ATP8A2: variants seen among roughly 807,000 people sequenced by gnomAD.
ATP8A2 encodes the protein phospholipid-transporting ATPase IB.
ATP8A2 carries 100 observed loss-of-function variants against 165.6 expected under a neutral mutation model. The observed-to-expected ratio is 0.60, with a 90% confidence interval of 0.51 to 0.71. The LOEUF is 0.71. Among genes scored for constraint, ATP8A2 ranks in the 30% least tolerant of loss-of-function variants. The pLI is 0.00. For synonymous variants in ATP8A2, 543 were observed against 548.8 expected, an observed-to-expected ratio of 0.99 and a Z score of 0.15; for missense variants, 1,227 against 1,479.5, an observed-to-expected ratio of 0.83 and a Z score of 2.80.
At chr13:25,845,603 A>C (rs1951843347) in intron 30 of ATP8A2, among the ~76,000 whole-genome samples, 1 of 152,162 alleles carries the variant, frequency 6.6e-6, no homozygotes, top group East Asian at 1.9e-4. Flanking sequence ...ATTTTTAATA[A>C]ATTTGCTCCT....
intron 1 of ATP8A2, among the ~76,000 whole-genome samples, chr13:25,383,007 G>A (rs1448610257): frequency 3.4e-5 from 5 of 148,636 alleles, no homozygotes; most frequent in African/African-American, 7.5e-5. Context: ...TGCCCACCTT[G>A]GCCTCCCAAA....
At chr13:25,944,271 C>T (rs1245653083) in intron 33 of ATP8A2, among the ~76,000 whole-genome samples, 1 of 152,184 alleles carries the variant, frequency 6.6e-6, no homozygotes, top group African/African-American at 2.4e-5. Flanking sequence ...CTTTGGGAGG[C>T]TGAGGTGGGC....
chr13:25,513,201 C>T (rs184824162), intron 2 of ATP8A2, among the ~76,000 whole-genome samples: 1,905 of 150,432 alleles, frequency 0.013, 40 homozygotes, highest in African/African-American at 0.044. Flanking sequence ...ACTTCTCAGA[C>T]GGTGCGGTTG....
At chr13:25,500,647 G>A (rs2036826114) in intron 2 of ATP8A2, among the ~76,000 whole-genome samples, 1 of 152,054 alleles carries the variant, frequency 6.6e-6, no homozygotes, top group African/African-American at 2.4e-5. Context: ...GTGCAGTGGT[G>A]CGATCTTGGC....
chr13:25,990,520 G>C (rs905118656), intron 35 of ATP8A2, among the ~76,000 whole-genome samples: 2 of 152,168 alleles, frequency 1.3e-5, no homozygotes, highest in Non-Finnish European at 2.9e-5. Context: ...AAGGCCCTGA[G>C]GTGGGAAACC....
chr13:25,994,106 G>A (rs994324359), intron 35 of ATP8A2, among the ~76,000 whole-genome samples: 9 of 151,968 alleles, frequency 5.9e-5, no homozygotes, highest in African/African-American at 2.2e-4. Context: ...ATCCCAAATT[G>A]CATTGTATTT....
intron 18 of ATP8A2, among the ~76,000 whole-genome samples, chr13:25,571,983 A>G (rs1289830118): frequency 6.6e-6 from 1 of 152,248 alleles, no homozygotes; most frequent in Non-Finnish European, 1.5e-5. Flanking sequence ...TAATTGGGAA[A>G]ATAACTTAGC....
chr13:25,660,487 C>G (rs1308771785), intron 24 of ATP8A2, among the ~76,000 whole-genome samples: 1 of 152,088 alleles, frequency 6.6e-6, no homozygotes, highest in Non-Finnish European at 1.5e-5. Context: ...AATATCAAAT[C>G]ACACTCTCAA....
rs556669893 is a variant in ATP8A2 at position 25,950,094 on chromosome 13, C to T, written c.3184-11481C>T. 1.3e-3 allele frequency among the ~76,000 whole-genome samples: 191 copies of T among 152,288 alleles called. 1 individual carries two copies. The highest frequency in any genetic ancestry group is 4.2e-3 in the African/African-American group (176 of 41,558). ...GGATTACAGGTGTGAGCCACCGCTC[C>T]CAGCCCAGACTGCTTATTTTTAAAC... On this transcript the variant is annotated intron_variant, in intron 33 of 36. Coordinates refer to ENST00000381655, the MANE Select transcript of ATP8A2 (RefSeq NM_016529.6).
chr13:25,540,984 C>T (rs1418270558), intron 8 of ATP8A2, among the ~76,000 whole-genome samples: 2 of 151,748 alleles, frequency 1.3e-5, no homozygotes, highest in Non-Finnish European at 2.9e-5. Context: ...ACCTTAGCCT[C>T]CCGAGTAGCT....
At chr13:25,754,584 G>A (rs2044221416) in intron 25 of ATP8A2, among the ~76,000 whole-genome samples, 1 of 152,124 alleles carries the variant, frequency 6.6e-6, no homozygotes, top group Non-Finnish European at 1.5e-5. Flanking sequence ...ATAGCCCCAT[G>A]TAACTAAGGG....
chr13:25,911,447 C>G (rs543115296), intron 33 of ATP8A2, among the ~76,000 whole-genome samples: 1 of 152,092 alleles, frequency 6.6e-6, no homozygotes. Context: ...TGTGATGTAC[C>G]AAGGCAGCCC....
At chr13:25,522,998 G>T (rs565163661) in intron 2 of ATP8A2, among the ~76,000 whole-genome samples, 1 of 151,996 alleles carries the variant, frequency 6.6e-6, no homozygotes, top group South Asian at 2.1e-4. Context: ...AGTGGCACAT[G>T]CCTGTAATCC....
intron 28 of ATP8A2, among the ~76,000 whole-genome samples, chr13:25,835,533 C>T (rs1951582594): frequency 6.6e-6 from 1 of 152,176 alleles, no homozygotes; most frequent in South Asian, 2.1e-4. Flanking sequence ...TTCCCACAGG[C>T]CTGAGAGCTT....
At chr13:25,635,278 T>C (rs553672909) in intron 24 of ATP8A2, among the ~76,000 whole-genome samples, 1 of 152,292 alleles carries the variant, frequency 6.6e-6, no homozygotes, top group South Asian at 2.1e-4. Context: ...AGGTTAAACT[T>C]GAACAGTGAC....
At chr13:25,427,386 T>C (rs2034481320) in intron 1 of ATP8A2, among the ~76,000 whole-genome samples, 2 of 151,976 alleles carry the variant, frequency 1.3e-5, no homozygotes, top group African/African-American at 4.8e-5. Flanking sequence ...TTATGGTGAT[T>C]TGCATAATTA....
At chr13:25,437,042 G>T (rs923262441) in intron 1 of ATP8A2, among the ~76,000 whole-genome samples, 1 of 152,158 alleles carries the variant, frequency 6.6e-6, no homozygotes, top group Non-Finnish European at 1.5e-5. Flanking sequence ...TTCCCAAAGT[G>T]CTGGAATTAT....
intron 10 of ATP8A2, among the ~76,000 whole-genome samples, chr13:25,549,348 T>A (rs1169625314): frequency 6.6e-6 from 1 of 151,336 alleles, no homozygotes; most frequent in Non-Finnish European, 1.5e-5. Flanking sequence ...TAATCCCAGC[T>A]ACTTGGGAGG....
intron 33 of ATP8A2, among the ~76,000 whole-genome samples, chr13:25,885,364 C>T (rs555490673): frequency 3.3e-5 from 5 of 152,130 alleles, no homozygotes; most frequent in Admixed American, 2.0e-4. Context: ...CCATCTGCCT[C>T]GGCCTCCCAA....
Sources: allele counts gnomAD v4.1 joint callset (sites outside exome capture counted in the v4.1 genomes callset), GRCh38; gene constraint gnomAD v4.1.1; transcripts MANE v1.5; gene names NCBI Gene and HGNC (gene_info 2026-07-23, HGNC 2026-07-21).